CTNNA2: variants seen among roughly 807,000 people sequenced by gnomAD.
The protein encoded by CTNNA2 is catenin alpha-2.
In CTNNA2, 42 loss-of-function variants were observed where a neutral mutation model predicts 101.0. The observed-to-expected ratio is 0.42, with a 90% CI of 0.32 to 0.54. The LOEUF (loss-of-function observed/expected upper bound fraction) is 0.54. Among genes scored for constraint, CTNNA2 ranks in the 20% least tolerant of loss-of-function variants. The probability of loss-of-function intolerance (pLI) is 0.14; values close to 1 mark genes in which losing one functional copy is unlikely to be tolerated. For missense variants in CTNNA2, 871 were observed against 1,223.1 expected, an observed-to-expected ratio of 0.71 and a Z score of 4.29; for synonymous variants, 450 against 456.4, an observed-to-expected ratio of 0.99 and a Z score of 0.18.
chr2:80,434,931 A>G (rs150391046), intron 9 of CTNNA2, among the ~76,000 whole-genome samples: 11 of 152,154 alleles, frequency 7.2e-5, no homozygotes, highest in African/African-American at 2.6e-4. Flanking sequence ...TTCCTTGGGT[A>G]GAGATTATGG....
chr2:79,728,655 C>G (rs1687011828), intron 2 of CTNNA2, among the ~76,000 whole-genome samples: 1 of 152,156 alleles, frequency 6.6e-6, no homozygotes, highest in South Asian at 2.1e-4. Context: ...TTGTCCATGC[C>G]TATGTCCTGA....
At chr2:80,619,490 T>A (rs2149804355) in intron 18 of CTNNA2, among the ~76,000 whole-genome samples, 1 of 152,068 alleles carries the variant, frequency 6.6e-6, no homozygotes, top group South Asian at 2.1e-4. Flanking sequence ...CCATTGGGAC[T>A]GAAAGTCATG....
At chr2:80,643,833 A>C (rs2149863095) in intron 18 of CTNNA2, among the ~76,000 whole-genome samples, 1 of 152,284 alleles carries the variant, frequency 6.6e-6, no homozygotes, top group South Asian at 2.1e-4. Flanking sequence ...AGGAAGAACA[A>C]GGAAGGGCTG....
intron 2 of CTNNA2, among the ~76,000 whole-genome samples, chr2:79,260,814 C>G (rs1674911843): frequency 6.6e-6 from 1 of 152,150 alleles, no homozygotes; most frequent in Non-Finnish European, 1.5e-5. Context: ...ACCACGGTCA[C>G]AGCTGGGCCT....
chr2:79,511,918 G>A (rs1263392836), upstream of CTNNA2, among the ~76,000 whole-genome samples: 3 of 152,082 alleles, frequency 2.0e-5, no homozygotes, highest in Non-Finnish European at 2.9e-5. Flanking sequence ...ATACCAAACA[G>A]GTAGCATGTT....
At chr2:80,466,257 A>C (rs73941137) in intron 9 of CTNNA2, among the ~76,000 whole-genome samples, 2,025 of 152,294 alleles carry the variant, frequency 0.013, 64 homozygotes, top group African/African-American at 0.046. Flanking sequence ...AGAGCTTTCT[A>C]CCCAAATAAA....
intron 7 of CTNNA2, among the ~76,000 whole-genome samples, chr2:80,249,840 C>A (rs1671614937): frequency 6.6e-6 from 1 of 152,146 alleles, no homozygotes; most frequent in South Asian, 2.1e-4. Context: ...ATTAAAAATT[C>A]TTCATCATTA....
At chr2:80,438,208 G>A (rs1682217160) in intron 9 of CTNNA2, among the ~76,000 whole-genome samples, 1 of 152,128 alleles carries the variant, frequency 6.6e-6, no homozygotes, top group South Asian at 2.1e-4. Context: ...CACATCCCTA[G>A]AGTCTCCTCC....
At chr2:80,320,565 C>A (rs1678581964) in intron 7 of CTNNA2, among the ~76,000 whole-genome samples, 1 of 152,122 alleles carries the variant, frequency 6.6e-6, no homozygotes, top group African/African-American at 2.4e-5. Context: ...CCCTTACTTT[C>A]ATTTCTTGTT....
At chr2:79,562,039 A>G (rs922560873) in intron 1 of CTNNA2, among the ~76,000 whole-genome samples, 4 of 152,004 alleles carry the variant, frequency 2.6e-5, no homozygotes, top group Non-Finnish European at 5.9e-5. Flanking sequence ...TGCCTAATCC[A>G]AAAGCACACA....
intron 3 of CTNNA2, among the ~76,000 whole-genome samples, chr2:79,825,220 CAG>C (rs1392278447): frequency 6.6e-6 from 1 of 151,988 alleles, no homozygotes; most frequent in African/African-American, 2.4e-5. Flanking sequence ...ATAAGAGAGA[CAG>C]AGAGAAAGAT....
At chr2:80,234,178 C>T (rs74653973) in intron 7 of CTNNA2, among the ~76,000 whole-genome samples, 2,224 of 152,166 alleles carry the variant, frequency 0.015, 54 homozygotes, top group African/African-American at 0.051. Flanking sequence ...TCCCAAGGTA[C>T]GCACCAGCAT....
chr2:79,888,896 A>T (rs1684090606), intron 6 of CTNNA2, among the ~76,000 whole-genome samples: 1 of 152,322 alleles, frequency 6.6e-6, no homozygotes, highest in East Asian at 1.9e-4. Flanking sequence ...CTTATCTATT[A>T]GTTATACTTT....
rs76424597 is a variant in CTNNA2 at position 79,639,988 on chromosome 2, G to A, written c.-5-11564G>A. Among the ~76,000 whole-genome samples the A allele has an allele frequency of 5.1e-3, 780 of 151,862 alleles. 27 individuals carry two copies. In the East Asian group the frequency reaches 0.067, roughly 13 times the overall value. On this transcript the variant is annotated intron_variant, in intron 1 of 18. Transcript: ENST00000402739. ...AAGAGAGAGAGAGAGAAACTTGAAC[G>A]TGGCAAAGAATCAAGCCCATGAGTA...
chr2:79,609,621 A>G (rs1678133213), intron 1 of CTNNA2, among the ~76,000 whole-genome samples: 2 of 152,140 alleles, frequency 1.3e-5, no homozygotes, highest in African/African-American at 4.8e-5. Context: ...AAGAAAATAG[A>G]AAGTCCAGGA....
At chr2:80,279,341 TATGGTGCAAAG>T (rs1483290368) in intron 7 of CTNNA2, among the ~76,000 whole-genome samples, 18 of 152,072 alleles carry the variant, frequency 1.2e-4, no homozygotes, top group Admixed American at 1.2e-3. Context: ...TTTGTTCCTT[TATGGTGCAAAG>T]ACACGTTGAG....
At chr2:79,311,821 T>A (rs1390943266) in intron 2 of CTNNA2, among the ~76,000 whole-genome samples, 1 of 152,218 alleles carries the variant, frequency 6.6e-6, no homozygotes, top group Admixed American at 6.5e-5. Context: ...AAATGTGGAA[T>A]TAATGTGGTC....
In CTNNA2 at chr2:79,255,879, G is replaced by A. The variant is rs80289461; in HGVS notation, c.-405-56830G>A. On this transcript the variant is annotated intron_variant, in intron 2 of 21. Transcript: ENST00000466387. ...TTCTACTAAGGGTTTGGGACCTAAC[G>A]CTCCTCAAAGTCAAGAGCAAATTAA... 3.5e-3 allele frequency among the ~76,000 whole-genome samples: 530 copies of A among 152,164 alleles called. 10 individuals are homozygous for A. In the East Asian group the frequency reaches 0.061, roughly 17 times the overall value.
intron 1 of CTNNA2, among the ~76,000 whole-genome samples, chr2:79,525,031 T>C (rs1367313637): frequency 6.6e-6 from 1 of 152,000 alleles, no homozygotes; most frequent in Admixed American, 6.6e-5. Context: ...ATGCCTGTGA[T>C]AGTAAACTTT....
Sources: gnomAD v4.1 joint callset for allele counts (sites outside exome capture counted in the v4.1 genomes callset) on GRCh38, gnomAD v4.1.1 for gene constraint, MANE v1.5 for transcripts, NCBI Gene and HGNC (gene_info 2026-07-23, HGNC 2026-07-21) for gene names.